The following RAB28 variants were observed in gnomAD, a reference collection of about 807,000 sequenced individuals.
RAB28 encodes the protein ras-related protein Rab-28.
Under a neutral mutation model 31.7 loss-of-function variants are expected in RAB28, and 24 were observed. The observed-to-expected ratio is 0.76, with a 90% CI of 0.55 to 1.06. RAB28 has a LOEUF of 1.06. Among genes scored for constraint, RAB28 ranks in the 50% least tolerant of loss-of-function variants. The pLI is 0.00. For synonymous variants in RAB28, 100 were observed against 90.4 expected, an observed-to-expected ratio of 1.11 and a Z score of -0.60; for missense variants, 254 against 258.5, an observed-to-expected ratio of 0.98 and a Z score of 0.12.
chr4:13,451,926 T>C (rs1378814949), intron 4 of RAB28, among the ~76,000 whole-genome samples: 1 of 151,992 alleles, frequency 6.6e-6, no homozygotes, highest in African/African-American at 2.4e-5. Context: ...CTGTATTCTC[T>C]ATTCCATTTC....
At chr4:13,428,177 GC>G (rs1490195711) in intron 4 of RAB28, among the ~76,000 whole-genome samples, 1 of 152,232 alleles carries the variant, frequency 6.6e-6, no homozygotes, top group Non-Finnish European at 1.5e-5. Context: ...CAGGCCCAGG[GC>G]GCGCCGCCGG....
intron 5 of RAB28, among the ~76,000 whole-genome samples, chr4:13,378,570 T>A (rs1729009552): frequency 6.6e-6 from 1 of 152,042 alleles, no homozygotes; most frequent in Non-Finnish European, 1.5e-5. Context: ...ATAAAAGAAG[T>A]CATAATATTT....
chr4:13,458,918 T>C lies in RAB28; in HGVS notation c.391+1781A>G, dbSNP rs553299160. On this transcript the variant is annotated intron_variant, in intron 4 of 6. Transcript: ENST00000330852. Reference sequence around the variant, plus strand: ...GTGTCAACTTGATTGGCGTGAAGGATGCAAAGTATTGTTCCTGCATGTGTC... The same window carrying C: ...GTGTCAACTTGATTGGCGTGAAGGACGCAAAGTATTGTTCCTGCATGTGTC... Among the ~76,000 whole-genome samples the C allele has an allele frequency of 1.1e-4, 16 of 152,306 alleles. No homozygotes were observed. In the East Asian group the frequency reaches 3.1e-3, roughly 29 times the overall value.
At chr4:13,445,684 G>A (rs560273347) in intron 4 of RAB28, among the ~76,000 whole-genome samples, 1 of 151,536 alleles carries the variant, frequency 6.6e-6, no homozygotes, top group African/African-American at 2.4e-5. Flanking sequence ...CACCAGTGGA[G>A]GCTGAAGAAC....
At chr4:13,431,126 A>G (rs73229684) in intron 4 of RAB28, among the ~76,000 whole-genome samples, 3,307 of 152,270 alleles carry the variant, frequency 0.022, 67 homozygotes, top group Non-Finnish European at 0.033. Flanking sequence ...ACCCTCTTAC[A>G]AAAAGTGGCA....
chr4:13,442,559 T>C (rs903175434), intron 4 of RAB28, among the ~76,000 whole-genome samples: 16 of 152,024 alleles, frequency 1.1e-4, no homozygotes, highest in African/African-American at 3.9e-4. Flanking sequence ...AAAATTTTAA[T>C]CATTATTTAT....
intron 2 of RAB28, among the ~76,000 whole-genome samples, chr4:13,475,475 A>G (rs1716317309): frequency 6.6e-6 from 1 of 151,660 alleles, no homozygotes; most frequent in South Asian, 2.1e-4. Context: ...AGCCAACATA[A>G]AATACTAAAA....
At chr4:13,462,457 T>C (rs1715635565) in intron 3 of RAB28, among the ~76,000 whole-genome samples, 1 of 152,212 alleles carries the variant, frequency 6.6e-6, no homozygotes, top group African/African-American at 2.4e-5. Context: ...TGTGTGACTT[T>C]ATACATAATT....
chr4:13,412,868 A>C lies in RAB28; in HGVS notation c.392-31274T>G, dbSNP rs113551619. 2.8e-3 allele frequency among the ~76,000 whole-genome samples: 425 copies of C among 152,274 alleles called. 5 individuals carry two copies. Among genetic ancestry groups the C allele is most frequent in the African/African-American group, 9.0e-3 (373 of 41,574 alleles). ...AGTTATGGTAAGATAATAGGAAGTG[A>C]TGAAACCTGAGCAAATAGCTTAAAA... On this transcript the variant is annotated intron_variant, in intron 4 of 6. Coordinates refer to ENST00000330852, the MANE Select transcript of RAB28 (RefSeq NM_001017979.3).
In RAB28 at chr4:13,463,484, C is replaced by T. The variant is rs186603215; in HGVS notation, c.262-2656G>A. 3.3e-5 allele frequency among the ~76,000 whole-genome samples: 5 copies of T among 152,238 alleles called. No individual in the cohort carries two copies. The East Asian group carries it at 9.6e-4, about 29-fold the overall frequency. Reference sequence around the variant, plus strand: ...TTTGTTTAAGTATTATCAATGGCTGCTTTTGTGCTACAACTGCAGAGCTGA... The same window carrying T: ...TTTGTTTAAGTATTATCAATGGCTGTTTTTGTGCTACAACTGCAGAGCTGA... On this transcript the variant is annotated intron_variant, in intron 3 of 6. Transcript: ENST00000330852.
chr4:13,418,038 C>G (rs553135761), intron 4 of RAB28, among the ~76,000 whole-genome samples: 1 of 152,254 alleles, frequency 6.6e-6, no homozygotes, highest in South Asian at 2.1e-4. Context: ...CTAGAATAAA[C>G]AGTGTTGAGA....
At chr4:13,447,096 C>A (rs1339517340) in intron 4 of RAB28, among the ~76,000 whole-genome samples, 1 of 152,150 alleles carries the variant, frequency 6.6e-6, no homozygotes, top group Non-Finnish European at 1.5e-5. Flanking sequence ...AACCACTTCT[C>A]ACTACTTCCA....
intron 4 of RAB28, among the ~76,000 whole-genome samples, chr4:13,416,621 G>A (rs1031532874): frequency 2.0e-5 from 3 of 152,148 alleles, no homozygotes; most frequent in Non-Finnish European, 4.4e-5. Flanking sequence ...CCAACCCATG[G>A]AGTAAATAAT....
At chr4:13,440,385 A>G (rs1237751717) in intron 4 of RAB28, among the ~76,000 whole-genome samples, 2 of 152,032 alleles carry the variant, frequency 1.3e-5, no homozygotes, top group Admixed American at 1.3e-4. Context: ...TTACATTTAC[A>G]TTTTCTTCTT....
chr4:13,427,878 C>T (rs981337995), intron 4 of RAB28, among the ~76,000 whole-genome samples: 1 of 152,144 alleles, frequency 6.6e-6, no homozygotes, highest in East Asian at 1.9e-4. Context: ...CCACAGACAC[C>T]GAGTTAAAGA....
chr4:13,368,096 A>AT lies in RAB28; in HGVS notation c.*461dup. On this transcript the variant is annotated 3_prime_UTR_variant, in exon 7 of 7. Transcript: ENST00000330852. Reference sequence around the variant, plus strand: ...CTCACGATAGCGAAAGAATGTCTTCATAAGTATCTGTAGGTAAAATATATT... The same window carrying AT: ...CTCACGATAGCGAAAGAATGTCTTCATTAAGTATCTGTAGGTAAAATATATT... 1 of 981,386 alleles carries AT rather than the reference A, an allele frequency of 1.0e-6. No individual in the cohort carries two copies. The highest frequency in any genetic ancestry group is 1.2e-6 in the Non-Finnish European group (1 of 826,246). The allele number at this position is 981,386 out of a possible 1,614,324, so 60.8% of individuals were successfully genotyped here. A position where few individuals can be genotyped will look rare whatever the true frequency, so the allele number is the denominator to read the frequency against.
chr4:13,476,089 A>C (rs1716348595), intron 2 of RAB28, among the ~76,000 whole-genome samples: 1 of 151,558 alleles, frequency 6.6e-6, no homozygotes, highest in African/African-American at 2.4e-5. Context: ...CATTTTTCTC[A>C]GAGCCAATGG....
intron 4 of RAB28, among the ~76,000 whole-genome samples, chr4:13,388,823 G>C (rs73229648): frequency 0.014 from 2,095 of 152,110 alleles, 23 homozygotes; most frequent in Middle Eastern, 0.044. Context: ...AAGATGTAGA[G>C]AAATTGAAAC....
intron 4 of RAB28, among the ~76,000 whole-genome samples, chr4:13,387,723 T>C (rs1473278073): frequency 2.0e-5 from 3 of 152,078 alleles, no homozygotes; most frequent in Non-Finnish European, 4.4e-5. Flanking sequence ...AAAATGTATG[T>C]TTTCAACATG....
Sources: allele counts gnomAD v4.1 joint callset (sites outside exome capture counted in the v4.1 genomes callset), GRCh38; gene constraint gnomAD v4.1.1; transcripts MANE v1.5; gene names NCBI Gene and HGNC (gene_info 2026-07-23, HGNC 2026-07-21).